SPATS2L: variants seen among roughly 807,000 people sequenced by gnomAD.
SPATS2L encodes the protein spermatogenesis associated serine rich 2 like, also known as SPATS2-like protein.
A neutral mutation model predicts 59.6 loss-of-function variants in SPATS2L; 30 were observed. That is an observed-to-expected ratio of 0.50 (90% CI 0.38 to 0.68). The LOEUF (loss-of-function observed/expected upper bound fraction) is 0.68. SPATS2L is among the 30% of genes least tolerant of loss of function. The pLI, the probability that SPATS2L is intolerant of heterozygous loss-of-function variation, is 0.00. For missense variants in SPATS2L, 615 were observed against 700.0 expected (o/e 0.88, Z 1.37); for synonymous variants, 252 against 263.5 (o/e 0.96, Z 0.42).
At chr2:200,457,511 C>G (rs1434571370) in intron 8 of SPATS2L, among the ~76,000 whole-genome samples, 5 of 152,110 alleles carry the variant, frequency 3.3e-5, no homozygotes, top group Non-Finnish European at 5.9e-5. Context: ...CATGCATTTC[C>G]TATATTTAAA....
chr2:200,431,704 G>A (rs2083943244), intron 6 of SPATS2L, among the ~76,000 whole-genome samples: 1 of 152,104 alleles, frequency 6.6e-6, no homozygotes, highest in South Asian at 2.1e-4. Flanking sequence ...TCACTAAAAA[G>A]TAAAAACTAA....
At chr2:200,468,836 CA>C (rs1437798351) in intron 10 of SPATS2L, among the ~76,000 whole-genome samples, 5 of 152,230 alleles carry the variant, frequency 3.3e-5, no homozygotes, top group African/African-American at 1.2e-4. Flanking sequence ...ACAAAAATCC[CA>C]GCTTGTTAGA....
intron 2 of SPATS2L, among the ~76,000 whole-genome samples, chr2:200,361,231 A>T (rs2081096189): frequency 6.6e-6 from 1 of 152,180 alleles, no homozygotes; most frequent in East Asian, 1.9e-4. Flanking sequence ...AGAGAAACAA[A>T]GTTTATTGCT....
At position 200,416,388 on chromosome 2, in the gene SPATS2L, T is replaced by C; in HGVS notation, c.158T>C (p.Ile53Thr). 6.7e-7 allele frequency: 1 copy of C among 1,489,620 alleles called. No individual in the cohort carries two copies. The highest frequency in any genetic ancestry group is 9.1e-7 in the Non-Finnish European group (1 of 1,104,240). 92.3% of individuals were successfully genotyped at this position (1,489,620 alleles called of 1,614,324 possible). A position where few individuals can be genotyped will look rare whatever the true frequency, so the allele number is the denominator to read the frequency against. Residue 53 changes from isoleucine (I) to threonine (T), a missense_variant, in exon 5 of 13, where the codon ATT becomes ACT. Ile to Thr is a moderately conservative substitution (Grantham distance 89). Transcript: ENST00000409140. ...AVQAFVDGSA[I>T]QVLKEWNMTG... ...CTTTGTCTTTATCTAGGCAGTGCAA[T>C]TCAAGTTCTAAAAGAATGGAATATG... is the stretch of plus-strand genomic sequence containing the variant.
At chr2:200,314,916 G>A (rs990406614) in intron 1 of SPATS2L, among the ~76,000 whole-genome samples, 3 of 152,152 alleles carry the variant, frequency 2.0e-5, no homozygotes, top group East Asian at 1.9e-4. Context: ...GATATAGTAG[G>A]TTAAACAAAA....
intron 8 of SPATS2L, among the ~76,000 whole-genome samples, chr2:200,449,320 C>T (rs183169002): frequency 9.2e-4 from 140 of 152,308 alleles, no homozygotes; most frequent in African/African-American, 3.3e-3. Flanking sequence ...CCCCAGGAAA[C>T]CAGCATAAAT....
intron 11 of SPATS2L, 112 bp downstream of exon 11, chr2:200,470,128 T>C: frequency 2.7e-6 from 2 of 753,500 alleles, no homozygotes; most frequent in Non-Finnish European, 4.3e-6. Context: ...ACGTGAGGTC[T>C]AAAGAGATTT....
At chr2:200,462,185 A>G (rs2086286235) in intron 9 of SPATS2L, among the ~76,000 whole-genome samples, 1 of 152,230 alleles carries the variant, frequency 6.6e-6, no homozygotes, top group African/African-American at 2.4e-5. Flanking sequence ...ACCAAAATGG[A>G]AAGTCACTAG....
chr2:200,459,665 T>G (rs541103904), intron 8 of SPATS2L, 104 bp from the exon 9 acceptor site: 1 of 882,496 alleles, frequency 1.1e-6, no homozygotes, highest in African/African-American at 1.7e-5. Context: ...TTATGGTAAT[T>G]TTGTATTTTG....
At chr2:200,330,353 A>G (rs1298783370) in intron 2 of SPATS2L, among the ~76,000 whole-genome samples, 1 of 152,182 alleles carries the variant, frequency 6.6e-6, no homozygotes. Context: ...CATAAATGTA[A>G]AACTTTTGTG....
chr2:200,471,585 G>A (rs1291900305), intron 11 of SPATS2L, among the ~76,000 whole-genome samples: 1 of 152,172 alleles, frequency 6.6e-6, no homozygotes, highest in Non-Finnish European at 1.5e-5. Context: ...GCTTTGTTGA[G>A]AGCACATTGA....
At chr2:200,330,692 A>G (rs2079911082) in intron 2 of SPATS2L, among the ~76,000 whole-genome samples, 2 of 152,246 alleles carry the variant, frequency 1.3e-5, no homozygotes, top group Non-Finnish European at 2.9e-5. Flanking sequence ...ATACCAAATA[A>G]TCAGAAACTC....
chr2:200,422,901 A>G (rs1259136454), intron 6 of SPATS2L, among the ~76,000 whole-genome samples: 1 of 152,190 alleles, frequency 6.6e-6, no homozygotes, highest in East Asian at 1.9e-4. Context: ...CTCTCAAAAT[A>G]TCTTATTGCA....
At position 200,416,381 on chromosome 2, in the gene SPATS2L, A is replaced by G; in HGVS notation, c.151A>G (p.Ser51Gly). The G allele has an allele frequency of 6.8e-7, 1 of 1,479,590 alleles. No individual in the cohort carries two copies. The highest frequency in any genetic ancestry group is 9.1e-7 in the Non-Finnish European group (1 of 1,097,028). The allele number at this position is 1,479,590 out of a possible 1,614,324, so 91.7% of individuals were successfully genotyped here. ...GAAGATTCTTTGTCTTTATCTAGGC[A>G]GTGCAATTCAAGTTCTAAAAGAATG... ...DKAVQAFVDG[S>G]AIQVLKEWNM... Residue 51 changes from serine to glycine, a missense_variant and splice_region_variant, in exon 5 of 13, where the codon AGT becomes GGT. Coordinates refer to ENST00000409140, the MANE Select transcript of SPATS2L (RefSeq NM_001100423.2).
At position 200,477,994 on chromosome 2, in the gene SPATS2L, C is replaced by A; in HGVS notation, c.1640C>A (p.Ala547Glu). 1 of 1,584,372 alleles carries A rather than the reference C, an allele frequency of 6.3e-7. No individual in the cohort carries two copies. The highest frequency in any genetic ancestry group is 8.6e-7 in the Non-Finnish European group (1 of 1,164,636). ...PTRIEVSTDA[A>E]VLSVPAVTLV... is the part of the protein sequence containing the mutation. ...AGAATAGAAGTTTCCACAGATGCAGCAGTTCTCTCAGTCCCGGCTGTGACG... is the reference window on the plus strand; with the variant it reads ...AGAATAGAAGTTTCCACAGATGCAGAAGTTCTCTCAGTCCCGGCTGTGACG... The change falls in exon 13 of 13, where the codon GCA becomes GAA. Residue 547 changes from alanine to glutamate, a missense_variant. Physicochemically the swap from Ala to Glu is moderately radical, Grantham distance 107. Around this residue, in one of 3 missense-constraint regions of SPATS2L, gnomAD observed 284 missense variants for 280.1 expected, o/e 1.01. Transcript: ENST00000409140.
chr2:200,373,270 C>CAAAAAAAAAAAAAAAAAAAAAAAAAAA (rs3856514), intron 2 of SPATS2L: 2 of 106,038 alleles, frequency 1.9e-5, no homozygotes, highest in Non-Finnish European at 1.9e-5. Flanking sequence ...ACTGCCTTAA[C>CAAAAAAAAAAAAAAAAAAAAAAAAAAA]AAAAAAAAAA....
chr2:200,379,975 C>A (rs1210321135), intron 2 of SPATS2L, among the ~76,000 whole-genome samples: 1 of 152,076 alleles, frequency 6.6e-6, no homozygotes, highest in African/African-American at 2.4e-5. Context: ...TGCTTTAAAG[C>A]CCAGCAATCA....
At chr2:200,330,263 T>A (rs144175746) in intron 2 of SPATS2L, among the ~76,000 whole-genome samples, 2 of 152,262 alleles carry the variant, frequency 1.3e-5, no homozygotes, top group Non-Finnish European at 2.9e-5. Context: ...AAATTCCAAA[T>A]TGAGGTAGTC....
At chr2:200,336,677 A>G (rs2105809458) in intron 2 of SPATS2L, among the ~76,000 whole-genome samples, 1 of 152,324 alleles carries the variant, frequency 6.6e-6, no homozygotes, top group South Asian at 2.1e-4. Context: ...TTGTTCTACC[A>G]GGACTTGAGT....
Sources: allele counts gnomAD v4.1 joint callset (sites outside exome capture counted in the v4.1 genomes callset), GRCh38; gene constraint gnomAD v4.1.1; regional missense constraint gnomAD v4.1.1; transcripts MANE v1.5; gene names NCBI Gene and HGNC (gene_info 2026-07-23, HGNC 2026-07-21).